The following WDFY2 variants were observed in gnomAD, a reference collection of about 807,000 sequenced individuals.
The protein encoded by WDFY2 is WD repeat and FYVE domain-containing protein 2.
A neutral mutation model predicts 56.4 loss-of-function variants in WDFY2; 36 were observed. The observed-to-expected ratio is 0.64, with a 90% CI of 0.49 to 0.84. The LOEUF (loss-of-function observed/expected upper bound fraction) is 0.84. Among genes scored for constraint, WDFY2 ranks in the 40% least tolerant of loss-of-function variants. The probability of loss-of-function intolerance (pLI) is 0.00; values close to 1 mark genes in which losing one functional copy is unlikely to be tolerated. For synonymous variants in WDFY2, 176 were observed against 183.7 expected, an observed-to-expected ratio of 0.96 and a Z score of 0.34; for missense variants, 444 against 512.2, an observed-to-expected ratio of 0.87 and a Z score of 1.29.
intron 3 of WDFY2, among the ~76,000 whole-genome samples, chr13:51,676,410 A>G (rs1192528811): frequency 6.6e-6 from 1 of 152,210 alleles, no homozygotes; most frequent in East Asian, 1.9e-4. Flanking sequence ...AGAATTCTAA[A>G]TTTGAACCTG....
intron 6 of WDFY2, among the ~76,000 whole-genome samples, chr13:51,737,551 TAAAAAAAAAAAA>T (rs67418551): frequency 5.9e-3 from 316 of 53,290 alleles, no homozygotes; most frequent in East Asian, 0.015. Flanking sequence ...ACAATGAATT[TAAAAAAAAAAAA>T]AAAAAAAAAA....
Position 51,601,603 on chromosome 13 carries a change from C to T in WDFY2, c.137+16779C>T, listed in dbSNP as rs143759153. Among the ~76,000 whole-genome samples the T allele has an allele frequency of 5.0e-3, 759 of 152,132 alleles. 5 individuals are homozygous for T. Among genetic ancestry groups the T allele is most frequent in the African/African-American group, 0.014 (596 of 41,510 alleles). On this transcript the variant is annotated intron_variant, in intron 1 of 11. Coordinates refer to ENST00000298125, the MANE Select transcript of WDFY2 (RefSeq NM_052950.4). Reference sequence around the variant, plus strand: ...CTAATTTTTGTATTTTTAGTACAGACGGGGGTTTTACCACGTAGGCCAGGC... The same window carrying T: ...CTAATTTTTGTATTTTTAGTACAGATGGGGGTTTTACCACGTAGGCCAGGC...
At chr13:51,621,079 G>A (rs1461049875) in intron 1 of WDFY2, among the ~76,000 whole-genome samples, 1 of 152,190 alleles carries the variant, frequency 6.6e-6, no homozygotes, top group Non-Finnish European at 1.5e-5. Flanking sequence ...TAAAGCCTGA[G>A]GTAAACTTTC....
At chr13:51,742,161 T>C (rs969983047) in intron 7 of WDFY2, among the ~76,000 whole-genome samples, 1 of 152,230 alleles carries the variant, frequency 6.6e-6, no homozygotes, top group Non-Finnish European at 1.5e-5. Context: ...TCTTCTGTTC[T>C]GAGTTCCACA....
rs1463417945 is a variant in WDFY2 at position 51,763,824 on chromosome 13, G to A, written c.*4055G>A. 1.3e-5 allele frequency: 2 copies of A among 152,136 alleles called. No individual in the cohort carries two copies. The highest frequency in any genetic ancestry group is 2.9e-5 in the Non-Finnish European group (2 of 68,018). 9.4% of individuals were successfully genotyped at this position (152,136 alleles called of 1,614,324 possible). A position where few individuals can be genotyped will look rare whatever the true frequency, so the allele number is the denominator to read the frequency against. ...ATAAACAAAAGTATAATTTATTTTT[G>A]CCTGATATTAATCACTTCTTAAGGC... On this transcript the variant is annotated 3_prime_UTR_variant, in exon 12 of 12. Coordinates refer to ENST00000298125, the MANE Select transcript of WDFY2 (RefSeq NM_052950.4).
In WDFY2 at chr13:51,660,674, A is replaced by C; in HGVS notation, c.205+11A>C. On this transcript the variant is annotated intron_variant, in intron 2 of 11. Transcript: ENST00000298125. The stretch of plus-strand genomic sequence containing the variant: ...ACCATGCAATGCCTTGTAAGTATCC[A>C]AATCGCTGTCTTGAAAAACCAGACA... 6 of 1,613,068 alleles carry C rather than the reference A, an allele frequency of 3.7e-6. No homozygotes were observed. The highest frequency in any genetic ancestry group is 5.1e-6 in the Non-Finnish European group (6 of 1,179,342).
intron 1 of WDFY2, among the ~76,000 whole-genome samples, chr13:51,631,588 T>C (rs1057396161): frequency 1.6e-4 from 25 of 152,164 alleles, no homozygotes; most frequent in African/African-American, 6.0e-4. Flanking sequence ...ACCGTCTAAA[T>C]TTTGTTGAAA....
At chr13:51,745,738 T>A (rs1157635215) in intron 7 of WDFY2, among the ~76,000 whole-genome samples, 13 of 86,330 alleles carry the variant, frequency 1.5e-4, no homozygotes, top group East Asian at 1.1e-3. Flanking sequence ...ATCCTTCATT[T>A]AAAAAAAAAA....
chr13:51,705,627 G>T (rs1450817089), intron 4 of WDFY2, among the ~76,000 whole-genome samples: 1 of 150,966 alleles, frequency 6.6e-6, no homozygotes, highest in East Asian at 1.9e-4. Flanking sequence ...TATATTTGTG[G>T]GGTATATGTG....
chr13:51,605,546 A>G (rs76446303), intron 1 of WDFY2, among the ~76,000 whole-genome samples: 6,064 of 152,316 alleles, frequency 0.04, 177 homozygotes, highest in Middle Eastern at 0.071. Flanking sequence ...TATAAATATG[A>G]AGAATTTTCA....
intron 1 of WDFY2, among the ~76,000 whole-genome samples, chr13:51,649,357 T>C (rs1450227570): frequency 6.6e-6 from 1 of 151,596 alleles, no homozygotes; most frequent in Non-Finnish European, 1.5e-5. Flanking sequence ...CCCTGTCCTG[T>C]TACTGCGAAC....
At chr13:51,650,565 CTT>C (rs548567077) in intron 1 of WDFY2, among the ~76,000 whole-genome samples, 2,401 of 152,174 alleles carry the variant, frequency 0.016, 61 homozygotes, top group African/African-American at 0.054. Context: ...ATAAATAGCT[CTT>C]ATTATTTTGA....
At chr13:51,608,981 G>A (rs1157448800) in intron 1 of WDFY2, among the ~76,000 whole-genome samples, 1 of 152,056 alleles carries the variant, frequency 6.6e-6, no homozygotes, top group Non-Finnish European at 1.5e-5. Flanking sequence ...ATCTACAGAT[G>A]TAATTGCAAG....
intron 3 of WDFY2, among the ~76,000 whole-genome samples, chr13:51,698,722 T>G (rs1464463550): frequency 1.3e-5 from 2 of 152,252 alleles, no homozygotes; most frequent in Non-Finnish European, 2.9e-5. Flanking sequence ...TACTTGAGTA[T>G]ATTACAGTTA....
At chr13:51,714,547 C>T (rs1443041874) in intron 4 of WDFY2, among the ~76,000 whole-genome samples, 1 of 152,158 alleles carries the variant, frequency 6.6e-6, no homozygotes, top group Non-Finnish European at 1.5e-5. Flanking sequence ...CCTGCCTCGG[C>T]CTCCCAAATT....
intron 6 of WDFY2, among the ~76,000 whole-genome samples, chr13:51,728,138 C>G (rs1952645208): frequency 1.3e-5 from 2 of 152,204 alleles, no homozygotes; most frequent in African/African-American, 4.8e-5. Context: ...AAAAAGACAG[C>G]TGCCTCGGTC....
At chr13:51,722,807 A>G (rs1011895531) in intron 5 of WDFY2, among the ~76,000 whole-genome samples, 1 of 152,246 alleles carries the variant, frequency 6.6e-6, no homozygotes, top group African/African-American at 2.4e-5. Context: ...CAGGTAGATG[A>G]TAGTAAATAG....
At chr13:51,733,402 G>A (rs1195255206) in intron 6 of WDFY2, among the ~76,000 whole-genome samples, 1 of 152,182 alleles carries the variant, frequency 6.6e-6, no homozygotes, top group East Asian at 1.9e-4. Flanking sequence ...GAACATTCCA[G>A]ACCTGCAGAA....
At chr13:51,654,052 C>T (rs868284421) in intron 1 of WDFY2, among the ~76,000 whole-genome samples, 3 of 152,176 alleles carry the variant, frequency 2.0e-5, no homozygotes, top group African/African-American at 7.2e-5. Context: ...TGGGCTTCAC[C>T]CAGTTTGAGC....
Sources: allele counts gnomAD v4.1 joint callset (sites outside exome capture counted in the v4.1 genomes callset), GRCh38; gene constraint gnomAD v4.1.1; transcripts MANE v1.5; gene names NCBI Gene and HGNC (gene_info 2026-07-23, HGNC 2026-07-21).